The following CNOT4 variants were observed in gnomAD, a reference collection of about 807,000 sequenced individuals.
CNOT4 encodes CCR4-associated factor 4.
CNOT4 carries 8 observed loss-of-function variants against 73.8 expected under a neutral mutation model. The ratio of observed to expected loss-of-function variants is 0.11; its 90% CI spans 0.06 to 0.20. The LOEUF (loss-of-function observed/expected upper bound fraction) is 0.20, where lower values mean the gene tolerates loss of function less well. Among genes scored for constraint, CNOT4 ranks in the 10% least tolerant of loss-of-function variants. The pLI is 1.00. For missense variants in CNOT4, 564 were observed against 883.4 expected, an observed-to-expected ratio of 0.64 and a Z score of 4.58; for synonymous variants, 293 against 321.1, an observed-to-expected ratio of 0.91 and a Z score of 0.94.
At chr7:135,381,771 C>T (rs113481444) in intron 10 of CNOT4, among the ~76,000 whole-genome samples, 5,303 of 152,090 alleles carry the variant, frequency 0.035, 311 homozygotes, top group African/African-American at 0.12. Context: ...ATTAATTGAA[C>T]GTTATGTGAA....
chr7:135,385,780 T>C (rs1563017508), intron 10 of CNOT4, among the ~76,000 whole-genome samples: 1 of 152,228 alleles, frequency 6.6e-6, no homozygotes, highest in East Asian at 1.9e-4. Context: ...TTCCTGTGAT[T>C]AAAATATTAT....
At chr7:135,427,762 A>T (rs958730047) in intron 2 of CNOT4, among the ~76,000 whole-genome samples, 41 of 151,512 alleles carry the variant, frequency 2.7e-4, no homozygotes, top group South Asian at 6.3e-4. Flanking sequence ...CAACATAAAA[A>T]TTTTTTTTTT....
At chr7:135,400,764 A>G (rs2129483645) in intron 7 of CNOT4, among the ~76,000 whole-genome samples, 1 of 152,310 alleles carries the variant, frequency 6.6e-6, no homozygotes, top group South Asian at 2.1e-4. Context: ...AGATTGTGTT[A>G]TCTATCCGAT....
intron 1 of CNOT4, among the ~76,000 whole-genome samples, chr7:135,467,837 A>G (rs1328615979): frequency 1.3e-5 from 2 of 152,226 alleles, no homozygotes; most frequent in Non-Finnish European, 2.9e-5. Context: ...TGGTGCTTTA[A>G]TTAAGCACAC....
rs888812287 is a variant in CNOT4 at position 135,378,277 on chromosome 7, G to A, written c.1628-14211C>T. 1.6e-4 allele frequency among the ~76,000 whole-genome samples: 24 copies of A among 151,650 alleles called. 1 individual carries two copies. The East Asian group carries it at 4.5e-3, about 29-fold the overall frequency. On this transcript the variant is annotated intron_variant, in intron 10 of 11. Transcript: ENST00000541284. ...CCAGCACTTTGGGAGGCCAAGGCAG[G>A]TGGATCATCTGAGGTCAGGAGCTCG... is the stretch of plus-strand genomic sequence containing the variant.
chr7:135,473,610 G>A (rs1170998472), intron 1 of CNOT4, among the ~76,000 whole-genome samples: 1 of 152,120 alleles, frequency 6.6e-6, no homozygotes, highest in African/African-American at 2.4e-5. Context: ...AGCCAGGCAT[G>A]ACGGTGCACG....
chr7:135,393,823 T>C, intron 10 of CNOT4, 95 bp downstream of exon 10: 1 of 790,064 alleles, frequency 1.3e-6, no homozygotes, highest in Non-Finnish European at 2.1e-6. Flanking sequence ...TCCAAGATAT[T>C]AGTACTCTGT....
Position 135,394,273 on chromosome 7 carries a change from G to A in CNOT4, c.1272C>T (p.Ser424=), listed in dbSNP as rs756421110. The change falls in exon 10 of 12, where the codon TCC becomes TCT. Residue 424 remains serine, a synonymous_variant. Transcript: ENST00000541284. The part of the protein sequence containing the change: ...ALADLIEKEL[S]VQDQPSLSPT... ...GCGAAAGGGAAGGTTGGTCTTGAAC[G>A]GACAGTTCCTTCTCAATCAGGTCTG... 2.0e-5 allele frequency: 32 copies of A among 1,614,034 alleles called. No homozygotes were observed. Among genetic ancestry groups the A allele is most frequent in the African/African-American group, 6.7e-5 (5 of 74,898 alleles).
chr7:135,417,866 GCC>G (rs1388432375), intron 3 of CNOT4, among the ~76,000 whole-genome samples: 4 of 152,132 alleles, frequency 2.6e-5, no homozygotes, highest in Non-Finnish European at 5.9e-5. Flanking sequence ...TAGTTGCTGT[GCC>G]AGAAGCACTT....
intron 1 of CNOT4, among the ~76,000 whole-genome samples, chr7:135,476,177 G>A (rs1801982170): frequency 6.6e-6 from 1 of 152,128 alleles, no homozygotes. Context: ...TGTCCAATGG[G>A]AGAAGATTTT....
At chr7:135,400,428 A>C (rs1183308327) in intron 7 of CNOT4, among the ~76,000 whole-genome samples, 5 of 152,122 alleles carry the variant, frequency 3.3e-5, no homozygotes, top group Non-Finnish European at 7.4e-5. Flanking sequence ...AGGTGGTAAC[A>C]GAAACAAAAG....
Position 135,362,523 on chromosome 7 carries a change from C to T in CNOT4, c.*362G>A, listed in dbSNP as rs1794692643. On this transcript the variant is annotated 3_prime_UTR_variant, in exon 12 of 12. Transcript: ENST00000541284. ...TGATAATGCATTTACTTGAGCTTTC[C>T]TATAGATTAATCGTCATTTTCTGCT... 5.3e-6 allele frequency: 2 copies of T among 377,154 alleles called. No homozygotes were observed. The highest frequency in any genetic ancestry group is 5.1e-6 in the Non-Finnish European group (1 of 197,866). The allele number at this position is 377,154 out of a possible 1,614,324, so 23.4% of individuals were successfully genotyped here. A position where few individuals can be genotyped will look rare whatever the true frequency, so the allele number is the denominator to read the frequency against.
chr7:135,392,336 T>C (rs1796444556), intron 10 of CNOT4, among the ~76,000 whole-genome samples: 3 of 152,156 alleles, frequency 2.0e-5, no homozygotes. Flanking sequence ...AATTCATTGA[T>C]GGGCAAATAG....
At position 135,493,312 on chromosome 7, in the gene CNOT4, C is replaced by T. The variant is rs191902520; in HGVS notation, c.-93+16577G>A. On this transcript the variant is annotated intron_variant, in intron 1 of 11. Coordinates refer to ENST00000541284, the MANE Select transcript of CNOT4 (RefSeq NM_001190850.2). The stretch of plus-strand genomic sequence containing the variant: ...AAGTAGCTGGGACTGCAGGTGTATA[C>T]TACCATGCCTGGCCAGGAAATGTAG... Among the ~76,000 whole-genome samples the T allele has an allele frequency of 3.7e-4, 56 of 152,286 alleles. No individual in the cohort carries two copies. In the Middle Eastern group the frequency reaches 0.014, roughly 37 times the overall value.
At chr7:135,427,757 T>G (rs1034835424) in intron 2 of CNOT4, among the ~76,000 whole-genome samples, 1 of 151,916 alleles carries the variant, frequency 6.6e-6, no homozygotes, top group Non-Finnish European at 1.5e-5. Flanking sequence ...AAATACAACA[T>G]AAAAATTTTT....
intron 1 of CNOT4, among the ~76,000 whole-genome samples, chr7:135,472,390 T>C (rs964954453): frequency 7.3e-6 from 1 of 137,646 alleles, no homozygotes; most frequent in African/African-American, 2.8e-5. Context: ...GGCAGGAGAA[T>C]GGCGTGAACC....
At chr7:135,432,944 G>A (rs1369207579) in intron 2 of CNOT4, among the ~76,000 whole-genome samples, 2 of 152,312 alleles carry the variant, frequency 1.3e-5, no homozygotes, top group East Asian at 1.9e-4. Flanking sequence ...GTGGAAGCTT[G>A]TAGAACTTCT....
intron 3 of CNOT4, among the ~76,000 whole-genome samples, chr7:135,419,599 A>G (rs904093628): frequency 6.6e-6 from 1 of 152,186 alleles, no homozygotes; most frequent in East Asian, 1.9e-4. Flanking sequence ...AATTATTTCA[A>G]ACATATAAAA....
chr7:135,467,407 T>C (rs935368750), intron 1 of CNOT4, among the ~76,000 whole-genome samples: 2 of 152,122 alleles, frequency 1.3e-5, no homozygotes, highest in Non-Finnish European at 1.5e-5. Context: ...CACTTTATGA[T>C]GTAAAGACAT....
Sources: gnomAD v4.1 joint callset for allele counts (sites outside exome capture counted in the v4.1 genomes callset) on GRCh38, gnomAD v4.1.1 for gene constraint, MANE v1.5 for transcripts, NCBI Gene and HGNC (gene_info 2026-07-23, HGNC 2026-07-21) for gene names.